ELMO1: variants seen among roughly 807,000 people sequenced by gnomAD.
ELMO1 encodes engulfment and cell motility 1.
ELMO1 carries 26 observed loss-of-function variants against 98.9 expected under a neutral mutation model. The observed-to-expected ratio is 0.26, with a 90% CI of 0.19 to 0.36. ELMO1 has a LOEUF of 0.36. Among genes scored for constraint, ELMO1 ranks in the 10% least tolerant of loss-of-function variants. The probability of loss-of-function intolerance (pLI) is 1.00; values close to 1 mark genes in which losing one functional copy is unlikely to be tolerated. For missense variants in ELMO1, 627 were observed against 935.2 expected, an observed-to-expected ratio of 0.67 and a Z score of 4.30; for synonymous variants, 346 against 346.0, an observed-to-expected ratio of 1.00 and a Z score of 0.00.
At chr7:37,104,376 C>G (rs1041396243) in intron 14 of ELMO1, among the ~76,000 whole-genome samples, 2 of 151,418 alleles carry the variant, frequency 1.3e-5, no homozygotes, top group African/African-American at 2.4e-5. Context: ...ACATACTGAA[C>G]GCAGGCTGCT....
At chr7:36,880,638 TC>T (rs1363862512) in intron 18 of ELMO1, among the ~76,000 whole-genome samples, 24 of 152,086 alleles carry the variant, frequency 1.6e-4, no homozygotes, top group Middle Eastern at 3.2e-3. Context: ...GCCAAGGAGT[TC>T]AAGGAAAAGG....
intron 2 of ELMO1, among the ~76,000 whole-genome samples, chr7:37,338,043 C>A (rs1800518196): frequency 6.6e-6 from 1 of 152,114 alleles, no homozygotes; most frequent in African/African-American, 2.4e-5. Context: ...GAACAGAGGG[C>A]AAATGTTCAC....
intron 15 of ELMO1, among the ~76,000 whole-genome samples, chr7:37,067,906 G>A (rs1057429216): frequency 5.3e-5 from 8 of 152,226 alleles, no homozygotes; most frequent in South Asian, 2.1e-4. Flanking sequence ...AACTCTAGGC[G>A]AGCTATTCTC....
chr7:37,192,977 A>C (rs7777751), intron 13 of ELMO1, among the ~76,000 whole-genome samples: 85,062 of 123,112 alleles, frequency 0.69, 27,237 homozygotes, highest in East Asian at 0.85. Context: ...GGAGATATAT[A>C]TATATATATA....
intron 1 of ELMO1, among the ~76,000 whole-genome samples, chr7:37,442,291 C>G (rs930215619): frequency 4.6e-5 from 7 of 152,188 alleles, no homozygotes; most frequent in African/African-American, 1.7e-4. Flanking sequence ...AAGAACCGTA[C>G]AAGTAGCCTC....
At chr7:37,423,462 C>G (rs1386684943) in intron 1 of ELMO1, among the ~76,000 whole-genome samples, 2 of 152,164 alleles carry the variant, frequency 1.3e-5, no homozygotes, top group Non-Finnish European at 2.9e-5. Context: ...TGCCTGTAAT[C>G]CCAGCTATTC....
In ELMO1 at chr7:37,244,409, A is replaced by C. The variant is rs370332172; in HGVS notation, c.414-18T>G. The C allele has an allele frequency of 3.7e-6, 6 of 1,612,002 alleles. No homozygotes were observed. The highest frequency in any genetic ancestry group is 5.1e-6 in the Non-Finnish European group (6 of 1,179,538). Reference sequence around the variant, plus strand: ...GGTATCGCCTGCAAAATTTAAAAACAACCATGTGAGGAGCATACTTAAAAG... The same window carrying C: ...GGTATCGCCTGCAAAATTTAAAAACCACCATGTGAGGAGCATACTTAAAAG... On this transcript the variant is annotated intron_variant, in intron 6 of 21. Coordinates refer to ENST00000310758, the MANE Select transcript of ELMO1 (RefSeq NM_014800.11).
intron 14 of ELMO1, among the ~76,000 whole-genome samples, chr7:37,119,020 C>G (rs1264550188): frequency 6.6e-6 from 1 of 152,188 alleles, no homozygotes; most frequent in Non-Finnish European, 1.5e-5. Context: ...TGACTTTGGA[C>G]AAACCACTTA....
chr7:37,260,045 C>T (rs1795901226), intron 5 of ELMO1, among the ~76,000 whole-genome samples: 1 of 152,096 alleles, frequency 6.6e-6, no homozygotes, highest in African/African-American at 2.4e-5. Context: ...AGAGAGGAAT[C>T]GAAATATATT....
intron 1 of ELMO1, among the ~76,000 whole-genome samples, chr7:37,438,896 CA>C (rs1447286521): frequency 2.0e-5 from 3 of 152,160 alleles, no homozygotes; most frequent in Non-Finnish European, 4.4e-5. Context: ...TCCTTTTTCC[CA>C]AATCCAATCA....
At chr7:37,177,578 T>C (rs1169352221) in intron 13 of ELMO1, among the ~76,000 whole-genome samples, 1 of 152,234 alleles carries the variant, frequency 6.6e-6, no homozygotes, top group Non-Finnish European at 1.5e-5. Flanking sequence ...TTGTATTTGT[T>C]TTCCTCTGTT....
In ELMO1 at chr7:36,855,791, A is replaced by T. The variant is rs753763165; in HGVS notation, c.1984-40T>A. The T allele has an allele frequency of 6.2e-7, 1 of 1,610,304 alleles. No individual in the cohort carries two copies. The highest frequency in any genetic ancestry group is 2.2e-5 in the East Asian group (1 of 44,840). On this transcript the variant is annotated intron_variant, in intron 21 of 21. Transcript: ENST00000310758. The surrounding 1 kb of genome is among the most constrained non-coding windows in gnomAD (Gnocchi z 4.2). Reference sequence around the variant, plus strand: ...GGCAACAGCGATCATTACTGGTGGCAATTACAGAAGTATTAATAGTAAAAA... The same window carrying T: ...GGCAACAGCGATCATTACTGGTGGCTATTACAGAAGTATTAATAGTAAAAA...
chr7:37,316,611 C>T (rs989578910), intron 2 of ELMO1, among the ~76,000 whole-genome samples: 17 of 152,122 alleles, frequency 1.1e-4, no homozygotes, highest in Admixed American at 7.9e-4. Flanking sequence ...GCTCCGCCTG[C>T]CCCCAAGATA....
intron 16 of ELMO1, among the ~76,000 whole-genome samples, chr7:36,917,599 TC>T (rs1784803371): frequency 1.3e-5 from 2 of 152,206 alleles, no homozygotes; most frequent in African/African-American, 4.8e-5. Flanking sequence ...CTCTCAGACA[TC>T]AGAATGATGA....
intron 14 of ELMO1, among the ~76,000 whole-genome samples, chr7:37,121,604 C>G (rs957596734): frequency 5.3e-5 from 8 of 152,126 alleles, no homozygotes; most frequent in Non-Finnish European, 4.4e-5. Flanking sequence ...TGAACAAAGC[C>G]TCCAAGAAAT....
chr7:37,355,820 GT>G (rs1320304759), intron 1 of ELMO1, among the ~76,000 whole-genome samples: 2 of 152,250 alleles, frequency 1.3e-5, no homozygotes, highest in African/African-American at 4.8e-5. Context: ...GTCATCTTGA[GT>G]TATGAGGTGG....
chr7:37,365,747 A>C (rs1801878452), intron 1 of ELMO1, among the ~76,000 whole-genome samples: 2 of 152,250 alleles, frequency 1.3e-5, no homozygotes, highest in African/African-American at 4.8e-5. Context: ...CCTTTCTTTC[A>C]GTCACTTAAA....
At chr7:36,893,096 T>C (rs1339740608) in intron 17 of ELMO1, among the ~76,000 whole-genome samples, 1 of 152,188 alleles carries the variant, frequency 6.6e-6, no homozygotes, top group African/African-American at 2.4e-5. Flanking sequence ...CAAACATAAT[T>C]CATCAAACAT....
intron 16 of ELMO1, among the ~76,000 whole-genome samples, chr7:36,952,332 C>A (rs1235811691): frequency 6.6e-6 from 1 of 152,160 alleles, no homozygotes; most frequent in African/African-American, 2.4e-5. Context: ...AAACACAGCA[C>A]GTGGCCACGG....
Sources: gnomAD v4.1 joint callset for allele counts (sites outside exome capture counted in the v4.1 genomes callset) on GRCh38, gnomAD v4.1.1 for gene constraint, Gnocchi (gnomAD v3.1) non-coding constraint, MANE v1.5 for transcripts, NCBI Gene and HGNC (gene_info 2026-07-23, HGNC 2026-07-21) for gene names.